JAZF1: variants seen among roughly 807,000 people sequenced by gnomAD.
The protein encoded by JAZF1 is JAZF zinc finger 1.
Under a neutral mutation model 26.4 loss-of-function variants are expected in JAZF1, and 8 were observed. That is an observed-to-expected ratio of 0.30 (90% CI 0.18 to 0.55). The LOEUF (loss-of-function observed/expected upper bound fraction) is 0.55, where lower values mean the gene tolerates loss of function less well. JAZF1 is among the 20% of genes least tolerant of loss of function. The pLI, the probability that JAZF1 is intolerant of heterozygous loss-of-function variation, is 0.94. For synonymous variants in JAZF1, 126 were observed against 122.3 expected (o/e 1.03, Z -0.20); for missense variants, 199 against 322.0 (o/e 0.62, Z 2.92).
At position 27,943,949 on chromosome 7, in the gene JAZF1, CT is replaced by C. The variant is rs1784888287; in HGVS notation, c.188+47959del. ...GTCTGTCTCCTGATTTTCATACTTTCTTTGATTCCTATGACACAAAGCAATG... is the reference window on the plus strand; with the variant it reads ...GTCTGTCTCCTGATTTTCATACTTTCTTGATTCCTATGACACAAAGCAATG... On this transcript the variant is annotated intron_variant, in intron 2 of 4. Transcript: ENST00000283928. Among the ~76,000 whole-genome samples the C allele has an allele frequency of 3.9e-5, 6 of 152,260 alleles. No individual in the cohort carries two copies. In the South Asian group the frequency reaches 1.2e-3, roughly 32 times the overall value.
intron 2 of JAZF1, among the ~76,000 whole-genome samples, chr7:27,976,978 T>A (rs1785485332): frequency 6.6e-6 from 1 of 152,100 alleles, no homozygotes. Flanking sequence ...AAAAAAAGCA[T>A]CCAGACTGAT....
chr7:28,130,382 C>A (rs1782771624), intron 1 of JAZF1, among the ~76,000 whole-genome samples: 1 of 152,134 alleles, frequency 6.6e-6, no homozygotes, highest in Non-Finnish European at 1.5e-5. Context: ...TTCTGTTCAA[C>A]TAGGGAGTGG....
At chr7:28,162,933 T>G (rs1307289753) in intron 1 of JAZF1, among the ~76,000 whole-genome samples, 2 of 152,244 alleles carry the variant, frequency 1.3e-5, no homozygotes, top group African/African-American at 4.8e-5. Flanking sequence ...CTGAATACGA[T>G]TCAGTGGCTA....
At chr7:27,987,539 C>T (rs1049257166) in intron 2 of JAZF1, among the ~76,000 whole-genome samples, 42 of 152,076 alleles carry the variant, frequency 2.8e-4, no homozygotes, top group Non-Finnish European at 2.9e-4. Flanking sequence ...AGCCCCTGCC[C>T]GGCCAGCCGC....
At chr7:27,902,424 C>T (rs570057506) in intron 2 of JAZF1, among the ~76,000 whole-genome samples, 3 of 152,180 alleles carry the variant, frequency 2.0e-5, no homozygotes, top group African/African-American at 7.2e-5. Flanking sequence ...CTTCTTGACC[C>T]CCTGGGAGGT....
At chr7:28,085,562 C>T (rs916686311) in intron 1 of JAZF1, among the ~76,000 whole-genome samples, 1 of 152,198 alleles carries the variant, frequency 6.6e-6, no homozygotes, top group Non-Finnish European at 1.5e-5. Flanking sequence ...TTCAAAGTGT[C>T]ATCCCCCCGT....
chr7:27,862,347 G>A (rs1038080210), intron 3 of JAZF1, among the ~76,000 whole-genome samples: 4 of 151,978 alleles, frequency 2.6e-5, no homozygotes, highest in African/African-American at 9.7e-5. Flanking sequence ...TTCAACCCTT[G>A]TCCCCTCCCG....
intron 2 of JAZF1, among the ~76,000 whole-genome samples, chr7:27,990,092 T>C (rs1172175928): frequency 1.3e-5 from 2 of 152,220 alleles, no homozygotes; most frequent in African/African-American, 2.4e-5. Flanking sequence ...CACCATGGAA[T>C]ACTATGCAGC....
intron 1 of JAZF1, among the ~76,000 whole-genome samples, chr7:28,153,414 T>G (rs1225792203): frequency 2.0e-5 from 3 of 152,246 alleles, no homozygotes; most frequent in Non-Finnish European, 4.4e-5. Flanking sequence ...TAACTTCTAT[T>G]GGGGAAATTT....
At chr7:28,130,979 C>G (rs1782784304) in intron 1 of JAZF1, among the ~76,000 whole-genome samples, 1 of 152,156 alleles carries the variant, frequency 6.6e-6, no homozygotes. Flanking sequence ...GTTATATATT[C>G]TGGGAAAATC....
intron 1 of JAZF1, among the ~76,000 whole-genome samples, chr7:28,031,848 A>C (rs1783199042): frequency 1.3e-5 from 2 of 152,146 alleles, no homozygotes; most frequent in South Asian, 4.1e-4. Flanking sequence ...CCTGTGTAAC[A>C]AACCTGCATA....
At position 28,046,108 on chromosome 7, in the gene JAZF1, C is replaced by T. The variant is rs752775809; in HGVS notation, c.116-54127G>A. On this transcript the variant is annotated intron_variant, in intron 1 of 4. Transcript: ENST00000283928. Reference sequence around the variant, plus strand: ...CAATGTATGAGCAAATATGTAAATGCTTTTGTTATATTTGTATCTGTTTCT... The same window carrying T: ...CAATGTATGAGCAAATATGTAAATGTTTTTGTTATATTTGTATCTGTTTCT... Among the ~76,000 whole-genome samples the T allele has an allele frequency of 1.4e-4, 22 of 152,204 alleles. No homozygotes were observed. The South Asian group carries it at 1.7e-3, about 11-fold the overall frequency.
chr7:27,926,298 A>AC (rs1421243549), intron 2 of JAZF1, among the ~76,000 whole-genome samples: 1 of 152,064 alleles, frequency 6.6e-6, no homozygotes, highest in Non-Finnish European at 1.5e-5. Flanking sequence ...GGACCTGCAA[A>AC]CCCCCCAAAT....
chr7:28,104,678 G>A (rs966310993), intron 1 of JAZF1, among the ~76,000 whole-genome samples: 7 of 152,218 alleles, frequency 4.6e-5, no homozygotes, highest in Admixed American at 1.3e-4. Context: ...CAGTACCAAG[G>A]TTGGTAACTG....
At chr7:27,976,172 G>A (rs140116897) in intron 2 of JAZF1, among the ~76,000 whole-genome samples, 1,728 of 151,868 alleles carry the variant, frequency 0.011, 24 homozygotes, top group African/African-American at 0.039. Context: ...GTGAAACCCC[G>A]TCTCTACTAA....
intron 1 of JAZF1, among the ~76,000 whole-genome samples, chr7:28,119,167 T>A (rs1430502444): frequency 3.9e-5 from 6 of 152,066 alleles, no homozygotes; most frequent in Admixed American, 2.6e-4. Context: ...AAGAAGCTCC[T>A]GCTTCCCATG....
intron 1 of JAZF1, among the ~76,000 whole-genome samples, chr7:28,163,027 A>T (rs559158283): frequency 1.3e-5 from 2 of 152,332 alleles, no homozygotes; most frequent in East Asian, 3.9e-4. Flanking sequence ...GAGGCCCACA[A>T]TTTAGTGAGG....
At chr7:28,031,083 A>G (rs1486283614) in intron 1 of JAZF1, among the ~76,000 whole-genome samples, 1 of 152,210 alleles carries the variant, frequency 6.6e-6, no homozygotes, top group Non-Finnish European at 1.5e-5. Flanking sequence ...ACATCTACTT[A>G]GTATATGGTC....
At chr7:27,966,471 A>T (rs1024299848) in intron 2 of JAZF1, among the ~76,000 whole-genome samples, 3 of 152,178 alleles carry the variant, frequency 2.0e-5, no homozygotes, top group African/African-American at 7.2e-5. Flanking sequence ...ATCACAAGTG[A>T]GAAAAACACA....
Sources: gnomAD v4.1 joint callset for allele counts (sites outside exome capture counted in the v4.1 genomes callset) on GRCh38, gnomAD v4.1.1 for gene constraint, MANE v1.5 for transcripts, NCBI Gene and HGNC (gene_info 2026-07-23, HGNC 2026-07-21) for gene names.